MYO18A: variants seen among roughly 807,000 people sequenced by gnomAD.
MYO18A encodes unconventional myosin-XVIIIa.
Under a neutral mutation model 235.8 loss-of-function variants are expected in MYO18A, and 78 were observed. The observed-to-expected ratio is 0.33, with a 90% CI of 0.28 to 0.40. The LOEUF is 0.40. Ranked by LOEUF, MYO18A falls within the 10% of genes least tolerant of loss-of-function variation. MYO18A has a pLI of 1.00. For synonymous variants in MYO18A, 977 were observed against 1,077.8 expected, an observed-to-expected ratio of 0.91 and a Z score of 1.83; for missense variants, 2,215 against 2,699.3, an observed-to-expected ratio of 0.82 and a Z score of 3.98.
intron 2 of MYO18A, chr17:29,127,887 G>A: frequency 2.0e-6 from 2 of 990,404 alleles, no homozygotes; most frequent in Non-Finnish European, 2.4e-6. Context: ...GACTTGGACT[G>A]CTGCTCTCCA....
chr17:29,073,931 T>G lies in MYO18A; in HGVS notation c.*839A>C. 1 of 1,613,940 alleles carries G rather than the reference T, an allele frequency of 6.2e-7. No homozygotes were observed. Among genetic ancestry groups the G allele is most frequent in the Non-Finnish European group, 8.5e-7 (1 of 1,179,902 alleles). ...GAGCAGGAGGGAGGCAGTGCTTGGATCAGCCCTGAACTGCTGTAGTTGGAA... is the reference window on the plus strand; with the variant it reads ...GAGCAGGAGGGAGGCAGTGCTTGGAGCAGCCCTGAACTGCTGTAGTTGGAA... On this transcript the variant is annotated 3_prime_UTR_variant, in exon 42 of 42. Transcript: ENST00000527372.
intron 15 of MYO18A, among the ~76,000 whole-genome samples, chr17:29,113,101 T>C (rs1359004020): frequency 6.6e-6 from 1 of 152,232 alleles, no homozygotes; most frequent in African/African-American, 2.4e-5. Context: ...ACAACGGTTC[T>C]GAGTGAGGCC....
intron 1 of MYO18A, among the ~76,000 whole-genome samples, chr17:29,179,064 T>C (rs2068592688): frequency 6.6e-6 from 1 of 152,114 alleles, no homozygotes; most frequent in Non-Finnish European, 1.5e-5. Context: ...AGGGAGGGAA[T>C]CCAATTCTTT....
At chr17:29,084,431 C>CTA (rs2066200318) in intron 40 of MYO18A, among the ~76,000 whole-genome samples, 1 of 152,180 alleles carries the variant, frequency 6.6e-6, no homozygotes, top group Non-Finnish European at 1.5e-5. Flanking sequence ...TTGCAAGCAT[C>CTA]TAGAAGATGT....
intron 11 of MYO18A, 83 bp from the exon 12 acceptor site, chr17:29,115,923 G>T: frequency 6.9e-7 from 1 of 1,459,596 alleles, no homozygotes; most frequent in Non-Finnish European, 9.2e-7. Flanking sequence ...TGATGACTAT[G>T]CATCTTCTGG....
chr17:29,113,305 CA>C (rs2066978973), intron 15 of MYO18A, among the ~76,000 whole-genome samples: 1 of 152,198 alleles, frequency 6.6e-6, no homozygotes, highest in Non-Finnish European at 1.5e-5. Context: ...GGGAGGTCGG[CA>C]GCCTCGCAAA....
chr17:29,151,092 A>T (rs560458481), intron 2 of MYO18A, among the ~76,000 whole-genome samples: 22 of 151,686 alleles, frequency 1.5e-4, no homozygotes, highest in East Asian at 3.9e-4. Flanking sequence ...TACAAAAAAA[A>T]TTTTTTTTTA....
chr17:29,166,925 T>C lies in MYO18A; in HGVS notation c.16A>G (p.Lys6Glu). ...CCGCCATCTTTGTCCTTGTCTTTCT[T>C]CATTAGGTTAAACATGGTGGGGGTG... is the stretch of plus-strand genomic sequence containing the variant. MFNLMKKDKDKDGGRK... is the reference protein window; with the variant it reads MFNLMEKDKDKDGGRK... Residue 6 changes from lysine to glutamate, a missense_variant, in exon 2 of 42, where the codon AAG becomes GAG. Lys to Glu is a moderately conservative substitution (Grantham distance 56, BLOSUM62 1). Coordinates refer to ENST00000527372, the MANE Select transcript of MYO18A (RefSeq NM_078471.4). The C allele has an allele frequency of 6.5e-7, 1 of 1,544,542 alleles. No homozygotes were observed. The highest frequency in any genetic ancestry group is 8.8e-7 in the Non-Finnish European group (1 of 1,142,402).
chr17:29,080,043 G>A lies in MYO18A; in HGVS notation c.6020+2273C>T, dbSNP rs147346625. The A allele has an allele frequency of 3.2e-5, 32 of 986,014 alleles. No individual in the cohort carries two copies. In the African/African-American group the frequency reaches 5.4e-4, roughly 17 times the overall value. 61.1% of individuals were successfully genotyped at this position (986,014 alleles called of 1,614,324 possible). A position where few individuals can be genotyped will look rare whatever the true frequency, so the allele number is the denominator to read the frequency against. ...AGCCGGAGCTGGAGCTGGAGCTGGA[G>A]CTGCTCCTTCCGCTCCTTCGCCGGC... On this transcript the variant is annotated intron_variant, in intron 41 of 41. Transcript: ENST00000527372.
At position 29,158,239 on chromosome 17, in the gene MYO18A, C is replaced by T. The variant is rs974510445; in HGVS notation, c.999+7703G>A. ...TGGCCCAGAGTCTGTGCAAAGCAAC[C>T]GGGCTGAGTCGCACCAGGGCAGAAC... On this transcript the variant is annotated intron_variant, in intron 2 of 41. Transcript: ENST00000527372. The surrounding 1 kb of genome is among the most constrained non-coding windows in gnomAD (Gnocchi z 4.3). 1.2e-4 allele frequency among the ~76,000 whole-genome samples: 18 copies of T among 152,196 alleles called. No homozygotes were observed. Among genetic ancestry groups the T allele is most frequent in the Non-Finnish European group, 7.3e-5 (5 of 68,036 alleles).
chr17:29,080,094 C>A lies in MYO18A; in HGVS notation c.6020+2222G>T, dbSNP rs915715543. 4 of 985,828 alleles carry A rather than the reference C, an allele frequency of 4.1e-6. No individual in the cohort carries two copies. In the African/African-American group the frequency reaches 7.0e-5, roughly 17 times the overall value. The allele number at this position is 985,828 out of a possible 1,614,324, so 61.1% of individuals were successfully genotyped here. On this transcript the variant is annotated intron_variant, in intron 41 of 41. Coordinates refer to ENST00000527372, the MANE Select transcript of MYO18A (RefSeq NM_078471.4). ...TCCGGCTCTTCCGGCCGCTGCGGGA[C>A]CGGGACACATCAGCAGCAGAGGCGG...
chr17:29,123,916 C>T (rs1291043817), intron 2 of MYO18A, among the ~76,000 whole-genome samples: 4 of 151,970 alleles, frequency 2.6e-5, no homozygotes, highest in African/African-American at 9.7e-5. Flanking sequence ...GGCATGGTGG[C>T]GGGCACCTGT....
rs2066868298 is a variant in MYO18A, at chr17:29,109,208, C to A, written c.3331+650G>T. On this transcript the variant is annotated intron_variant, in intron 19 of 41. Transcript: ENST00000527372. The surrounding 1 kb of genome is among the most constrained non-coding windows in gnomAD (Gnocchi z 4.1). ...TACTTGAGAGACATGAGACATGACT[C>A]TACAGCCAGCCTGCCTGGTCAAATC... is the stretch of plus-strand genomic sequence containing the variant. Among the ~76,000 whole-genome samples, 1 of 152,044 alleles carries A rather than the reference C, an allele frequency of 6.6e-6. No individual in the cohort carries two copies.
intron 2 of MYO18A, chr17:29,127,796 T>A: frequency 1.5e-5 from 14 of 947,708 alleles, no homozygotes; most frequent in Non-Finnish European, 1.8e-5. Flanking sequence ...TGAGGGTGCC[T>A]GGCCCTTGAG....
At chr17:29,116,127 G>A (rs185354621) in intron 11 of MYO18A, among the ~76,000 whole-genome samples, 2 of 152,366 alleles carry the variant, frequency 1.3e-5, no homozygotes, top group Admixed American at 1.3e-4. Flanking sequence ...CTCAGCTCCG[G>A]GGATGCCCAA....
intron 15 of MYO18A, among the ~76,000 whole-genome samples, chr17:29,112,581 T>G (rs2066958351): frequency 6.6e-6 from 1 of 152,350 alleles, no homozygotes; most frequent in African/African-American, 2.4e-5. Context: ...GGTAGAAATA[T>G]CTAATTCTAA....
chr17:29,077,529 G>C (rs2066011293), intron 41 of MYO18A: 1 of 152,354 alleles, frequency 6.6e-6, no homozygotes, highest in Non-Finnish European at 1.5e-5. Context: ...CCCAAAGCCA[G>C]TTGATGCTGA....
rs1001380882 is a variant in MYO18A at position 29,086,357 on chromosome 17, G to A, written c.5852+81C>T. The A allele has an allele frequency of 1.2e-4, 176 of 1,497,496 alleles. 1 individual carries two copies. In the South Asian group the frequency reaches 2.0e-3, roughly 17 times the overall value. The allele number at this position is 1,497,496 out of a possible 1,614,324, so 92.8% of individuals were successfully genotyped here. A position where few individuals can be genotyped will look rare whatever the true frequency, so the allele number is the denominator to read the frequency against. The stretch of plus-strand genomic sequence containing the variant: ...TCATGGGGAGGCAGAGGTTGCAACT[G>A]TTCTACCTGGTCGTCTGGTTCCAGA... On this transcript the variant is annotated intron_variant, in intron 39 of 41. Transcript: ENST00000527372.
At position 29,158,191 on chromosome 17, in the gene MYO18A, C is replaced by T. The variant is rs771992992; in HGVS notation, c.999+7751G>A. Among the ~76,000 whole-genome samples the T allele has an allele frequency of 1.3e-5, 2 of 152,172 alleles. No homozygotes were observed. The highest frequency in any genetic ancestry group is 2.9e-5 in the Non-Finnish European group (2 of 68,046). Reference sequence around the variant, plus strand: ...CCACAGATAACACCCGGCGAACACCCGGCAAACACCGACATCCTGCCCTGG... The same window carrying T: ...CCACAGATAACACCCGGCGAACACCTGGCAAACACCGACATCCTGCCCTGG... On this transcript the variant is annotated intron_variant, in intron 2 of 41. Coordinates refer to ENST00000527372, the MANE Select transcript of MYO18A (RefSeq NM_078471.4). The surrounding 1 kb of genome is among the most constrained non-coding windows in gnomAD (Gnocchi z 4.3).
Sources: gnomAD v4.1 joint callset for allele counts (sites outside exome capture counted in the v4.1 genomes callset) on GRCh38, gnomAD v4.1.1 for gene constraint, Gnocchi (gnomAD v3.1) non-coding constraint, MANE v1.5 for transcripts, NCBI Gene and HGNC (gene_info 2026-07-23, HGNC 2026-07-21) for gene names.